Variants in CSMD1 observed in about 807,000 individuals in gnomAD.
CSMD1 encodes CUB and sushi domain-containing protein 1.
Under a neutral mutation model 417.5 loss-of-function variants are expected in CSMD1, and 213 were observed. The ratio of observed to expected loss-of-function variants is 0.51; its 90% CI spans 0.46 to 0.57. The LOEUF (loss-of-function observed/expected upper bound fraction) is 0.57, where lower values mean the gene tolerates loss of function less well. Ranked by LOEUF, CSMD1 falls within the 20% of genes least tolerant of loss-of-function variation. CSMD1 has a pLI of 0.00. For missense variants in CSMD1, 6,923 were observed against 4,529.7 expected (o/e 1.53, Z -15.17); for synonymous variants, 2,862 against 1,736.8 (o/e 1.65, Z -16.11).
chr8:3,301,252 G>A (rs1212112947), intron 25 of CSMD1, among the ~76,000 whole-genome samples: 1 of 152,006 alleles, frequency 6.6e-6, no homozygotes, highest in African/African-American at 2.4e-5. Flanking sequence ...AGCGTTTGCA[G>A]GGTGGTCAGT....
chr8:4,420,644 T>A (rs1797198227), intron 2 of CSMD1, among the ~76,000 whole-genome samples: 1 of 152,112 alleles, frequency 6.6e-6, no homozygotes, highest in Non-Finnish European at 1.5e-5. Context: ...TGAAACAATC[T>A]GTGTTTCAGT....
At chr8:3,639,836 T>C (rs1314453552) in intron 7 of CSMD1, among the ~76,000 whole-genome samples, 1 of 152,252 alleles carries the variant, frequency 6.6e-6, no homozygotes, top group East Asian at 1.9e-4. Flanking sequence ...AAAAATCTAA[T>C]CATATTATTT....
intron 5 of CSMD1, among the ~76,000 whole-genome samples, chr8:3,913,494 A>T (rs149348652): frequency 0.013 from 1,977 of 152,276 alleles, 20 homozygotes; most frequent in Middle Eastern, 0.048. Context: ...TGTGTCCCAG[A>T]AGTGAACAAA....
At chr8:3,761,776 G>C (rs568309074) in intron 5 of CSMD1, among the ~76,000 whole-genome samples, 3 of 152,078 alleles carry the variant, frequency 2.0e-5, no homozygotes, top group Non-Finnish European at 4.4e-5. Context: ...AAAGTGCTAG[G>C]ATTACAGGCT....
intron 30 of CSMD1, among the ~76,000 whole-genome samples, chr8:3,206,470 A>C (rs1398438570): frequency 3.2e-5 from 1 of 30,970 alleles, no homozygotes; most frequent in Non-Finnish European, 6.0e-5. Flanking sequence ...TGGGGGGGTT[A>C]TGTCTGTGCG....
intron 23 of CSMD1, among the ~76,000 whole-genome samples, chr8:3,326,750 C>G (rs917078462): frequency 1.3e-5 from 2 of 152,174 alleles, no homozygotes; most frequent in Admixed American, 6.5e-5. Flanking sequence ...ACTGCCTCAT[C>G]TATTGTGATA....
chr8:3,790,751 C>G (rs182538083), intron 5 of CSMD1, among the ~76,000 whole-genome samples: 1 of 152,080 alleles, frequency 6.6e-6, no homozygotes, highest in African/African-American at 2.4e-5. Context: ...AGATAACGAC[C>G]TTCAGAAATA....
At chr8:3,006,839 T>A (rs1400159706) in intron 52 of CSMD1, among the ~76,000 whole-genome samples, 6 of 146,422 alleles carry the variant, frequency 4.1e-5, no homozygotes, top group South Asian at 2.1e-4. Context: ...AACCTAGGCA[T>A]TACCATTCAG....
At chr8:3,258,039 T>C (rs1230217307) in intron 26 of CSMD1, among the ~76,000 whole-genome samples, 2 of 152,158 alleles carry the variant, frequency 1.3e-5, no homozygotes, top group Non-Finnish European at 2.9e-5. Flanking sequence ...TGGGAGATGG[T>C]GTCGAGTAGA....
chr8:4,966,373 C>A (rs1397609056), intron 1 of CSMD1, among the ~76,000 whole-genome samples: 2 of 152,042 alleles, frequency 1.3e-5, no homozygotes, highest in Non-Finnish European at 2.9e-5. Flanking sequence ...GAGTGAAACT[C>A]CATCTCAAAC....
At chr8:4,338,997 G>C (rs922087292) in intron 3 of CSMD1, among the ~76,000 whole-genome samples, 4 of 152,102 alleles carry the variant, frequency 2.6e-5, no homozygotes, top group African/African-American at 7.2e-5. Flanking sequence ...TTGAGATTCT[G>C]TGAAAAGCAA....
At chr8:3,526,735 A>C (rs2117485014) in intron 10 of CSMD1, among the ~76,000 whole-genome samples, 1 of 152,304 alleles carries the variant, frequency 6.6e-6, no homozygotes, top group African/African-American at 2.4e-5. Context: ...CCCTTCAATA[A>C]GTTACTTACC....
At chr8:3,192,704 C>G (rs7812483) in intron 33 of CSMD1, among the ~76,000 whole-genome samples, 105,245 of 152,020 alleles carry the variant, frequency 0.69, 36,672 homozygotes, top group Non-Finnish European at 0.74. Flanking sequence ...TTGTGCATGA[C>G]ACAAAGTGTT....
intron 1 of CSMD1, among the ~76,000 whole-genome samples, chr8:4,715,708 C>G (rs576143884): frequency 1.3e-4 from 20 of 152,122 alleles, no homozygotes; most frequent in Non-Finnish European, 2.6e-4. Flanking sequence ...AACTCAAACA[C>G]CAAGGTATCA....
intron 1 of CSMD1, among the ~76,000 whole-genome samples, chr8:4,916,712 A>G (rs57249132): frequency 0.016 from 2,512 of 152,344 alleles, 73 homozygotes; most frequent in African/African-American, 0.057. Context: ...GTAAGGCACC[A>G]TAACTATTGT....
chr8:3,233,646 A>G (rs1214474730), intron 26 of CSMD1, among the ~76,000 whole-genome samples: 1 of 152,152 alleles, frequency 6.6e-6, no homozygotes. Context: ...TCCTATTCAT[A>G]TTTTTATTCT....
intron 1 of CSMD1, among the ~76,000 whole-genome samples, chr8:4,775,039 T>A (rs767177534): frequency 2.6e-5 from 4 of 151,978 alleles, no homozygotes; most frequent in Non-Finnish European, 2.9e-5. Context: ...ATATGAACAA[T>A]AGGAAATCAA....
chr8:4,365,296 G>C (rs550542632), intron 3 of CSMD1, among the ~76,000 whole-genome samples: 3 of 152,078 alleles, frequency 2.0e-5, no homozygotes, highest in Admixed American at 1.3e-4. Flanking sequence ...AATAAATTTA[G>C]GATTACACCT....
Position 3,369,269 on chromosome 8 carries a change from C to G in CSMD1, c.2884G>C (p.Val962Leu). 2 of 1,559,624 alleles carry G rather than the reference C, an allele frequency of 1.3e-6. No individual in the cohort carries two copies. The highest frequency in any genetic ancestry group is 2.7e-5 in the African/African-American group (2 of 73,884). ...AGATTCTTACCTTTCCCATGAGACA[C>G]TTCAATGGTCCACGTGCAGTTTAGA... is the stretch of plus-strand genomic sequence containing the variant. ...NSLNCTWTIE[V>L]SHGKGVQMIF... Residue 962 changes from valine to leucine, a missense_variant, in exon 19 of 70, where the codon GTG becomes CTG. Transcript: ENST00000635120.
Sources: allele counts gnomAD v4.1 joint callset (sites outside exome capture counted in the v4.1 genomes callset), GRCh38; gene constraint gnomAD v4.1.1; transcripts MANE v1.5; gene names NCBI Gene and HGNC (gene_info 2026-07-23, HGNC 2026-07-21).